The following CADM2 variants were observed in gnomAD, a reference collection of about 807,000 sequenced individuals.
CADM2 encodes the protein cell adhesion molecule 2, also known as immunoglobulin superfamily member 4D.
Under a neutral mutation model 49.8 loss-of-function variants are expected in CADM2, and 12 were observed. The ratio of observed to expected loss-of-function variants is 0.24; its 90% CI spans 0.15 to 0.39. CADM2 has a LOEUF of 0.39. Ranked by LOEUF, CADM2 falls within the 10% of genes least tolerant of loss-of-function variation. CADM2 has a pLI of 1.00. For missense variants in CADM2, 378 were observed against 492.3 expected, an observed-to-expected ratio of 0.77 and a Z score of 2.20; for synonymous variants, 214 against 175.4, an observed-to-expected ratio of 1.22 and a Z score of -1.74.
At chr3:85,698,759 G>A (rs747186849) in intron 1 of CADM2, among the ~76,000 whole-genome samples, 6 of 152,236 alleles carry the variant, frequency 3.9e-5, no homozygotes, top group East Asian at 1.9e-4. Context: ...TGAGATTTGG[G>A]TGTGGACACA....
At chr3:85,548,159 A>G (rs903260499) in intron 1 of CADM2, among the ~76,000 whole-genome samples, 1 of 72,716 alleles carries the variant, frequency 1.4e-5, no homozygotes, top group African/African-American at 3.1e-5. Context: ...GCGTGCCAGG[A>G]TGACTAAAGA....
chr3:85,329,365 G>C (rs1391381434), intron 1 of CADM2, among the ~76,000 whole-genome samples: 1 of 148,568 alleles, frequency 6.7e-6, no homozygotes, highest in Non-Finnish European at 1.5e-5. Flanking sequence ...TAAAACCCAG[G>C]CTCTACTAAA....
intron 1 of CADM2, among the ~76,000 whole-genome samples, chr3:85,139,057 A>G (rs2039501873): frequency 6.6e-6 from 1 of 152,272 alleles, no homozygotes; most frequent in East Asian, 1.9e-4. Flanking sequence ...CGGTGAGTGC[A>G]GGTTGGGCAG....
chr3:85,805,105 T>C (rs1017740369), intron 3 of CADM2, among the ~76,000 whole-genome samples: 6 of 152,052 alleles, frequency 3.9e-5, no homozygotes, highest in African/African-American at 1.4e-4. Flanking sequence ...CATGCCCAGC[T>C]AATTTTTTTT....
intron 1 of CADM2, among the ~76,000 whole-genome samples, chr3:85,594,061 TACATATTTGCTG>T (rs1214034101): frequency 6.6e-6 from 1 of 152,006 alleles, no homozygotes; most frequent in African/African-American, 2.4e-5. Context: ...TATTGCTGGT[TACATATTTGCTG>T]ATGTAAATTC....
chr3:85,037,035 T>C (rs1202138330), intron 1 of CADM2, among the ~76,000 whole-genome samples: 1 of 147,936 alleles, frequency 6.8e-6, no homozygotes, highest in Non-Finnish European at 1.5e-5. Flanking sequence ...CTGGTTGTGG[T>C]GGCAGGCGCC....
At chr3:85,616,487 G>T (rs1453456700) in intron 1 of CADM2, among the ~76,000 whole-genome samples, 1 of 152,032 alleles carries the variant, frequency 6.6e-6, no homozygotes, top group African/African-American at 2.4e-5. Flanking sequence ...ATGATTTAGA[G>T]TATTTTGTTA....
At chr3:85,832,615 A>G (rs113236090) in intron 3 of CADM2, among the ~76,000 whole-genome samples, 5,484 of 151,584 alleles carry the variant, frequency 0.036, 307 homozygotes, top group African/African-American at 0.13. Context: ...CTTGAACATT[A>G]TTGTTGTATA....
At position 85,897,418 on chromosome 3, in the gene CADM2, C is replaced by T. The variant is rs1009174115; in HGVS notation, c.529+11091C>T. Among the ~76,000 whole-genome samples the T allele has an allele frequency of 1.4e-3, 213 of 149,390 alleles. 2 individuals are homozygous for T. The highest frequency in any genetic ancestry group is 5.0e-3 in the African/African-American group (204 of 40,744). ...CCGAGTAGCTGGGACTACAGGCGCC[C>T]GCCACCGCGCCCGGCTAATTTTTTG... On this transcript the variant is annotated intron_variant, in intron 5 of 9. Transcript: ENST00000383699.
At chr3:85,531,411 T>G (rs1322554260) in intron 1 of CADM2, among the ~76,000 whole-genome samples, 2 of 152,196 alleles carry the variant, frequency 1.3e-5, no homozygotes, top group Admixed American at 6.5e-5. Context: ...TTTGGAGATG[T>G]TAGTGTCTGT....
At chr3:85,586,118 C>T (rs979065439) in intron 1 of CADM2, among the ~76,000 whole-genome samples, 1 of 151,964 alleles carries the variant, frequency 6.6e-6, no homozygotes, top group African/African-American at 2.4e-5. Flanking sequence ...CCCATTTGTC[C>T]GGTTTTTTAC....
chr3:85,492,565 G>A (rs755574883), intron 1 of CADM2, among the ~76,000 whole-genome samples: 5 of 151,972 alleles, frequency 3.3e-5, no homozygotes, highest in Non-Finnish European at 7.3e-5. Context: ...TCCAGCCTGG[G>A]CGACAGAGCG....
At chr3:85,943,712 T>G (rs1722270261) in intron 7 of CADM2, among the ~76,000 whole-genome samples, 1 of 151,826 alleles carries the variant, frequency 6.6e-6, no homozygotes, top group Non-Finnish European at 1.5e-5. Context: ...TATAGATCAA[T>G]GGAACCAAAC....
intron 5 of CADM2, among the ~76,000 whole-genome samples, chr3:85,887,829 T>C (rs1455537458): frequency 1.3e-5 from 2 of 152,188 alleles, no homozygotes; most frequent in East Asian, 3.8e-4. Context: ...TTAATGGATG[T>C]TCCATAGTGC....
At chr3:85,358,862 G>A (rs2032093850) in intron 1 of CADM2, among the ~76,000 whole-genome samples, 1 of 152,104 alleles carries the variant, frequency 6.6e-6, no homozygotes. Flanking sequence ...TTTAATGAAC[G>A]ATTGAAGCTG....
intron 1 of CADM2, among the ~76,000 whole-genome samples, chr3:85,310,878 AT>A (rs1322701521): frequency 1.3e-5 from 2 of 152,176 alleles, no homozygotes; most frequent in Non-Finnish European, 2.9e-5. Flanking sequence ...GTTTATAAAA[AT>A]ATATGTATTA....
intron 1 of CADM2, among the ~76,000 whole-genome samples, chr3:85,703,941 T>A (rs1249428710): frequency 6.6e-6 from 1 of 152,168 alleles, no homozygotes; most frequent in Admixed American, 6.5e-5. Flanking sequence ...TACATCTACC[T>A]CATGAAAAAC....
rs141849869 is a variant in CADM2, at chr3:85,929,193, T to G, written c.701-6574T>G. On this transcript the variant is annotated intron_variant, in intron 6 of 9. Transcript: ENST00000383699. ...TTGAACCAAAAGAGTCATTCTGTCTTGTGAAATAGTAGAGCAGGAATAAAT... is the reference window on the plus strand; with the variant it reads ...TTGAACCAAAAGAGTCATTCTGTCTGGTGAAATAGTAGAGCAGGAATAAAT... Among the ~76,000 whole-genome samples the G allele has an allele frequency of 1.5e-3, 234 of 152,234 alleles. 2 individuals carry two copies. The highest frequency in any genetic ancestry group is 5.6e-3 in the African/African-American group (231 of 41,560).
intron 1 of CADM2, among the ~76,000 whole-genome samples, chr3:85,232,664 GA>G (rs1005300940): frequency 6.6e-6 from 1 of 151,606 alleles, no homozygotes; most frequent in East Asian, 1.9e-4. Context: ...ATAAACATGT[GA>G]AAAAAAACAC....
Sources: allele counts gnomAD v4.1 joint callset (sites outside exome capture counted in the v4.1 genomes callset), GRCh38; gene constraint gnomAD v4.1.1; transcripts MANE v1.5; gene names NCBI Gene and HGNC (gene_info 2026-07-23, HGNC 2026-07-21).